Variants in ICA1 observed in about 807,000 individuals in gnomAD.
The protein encoded by ICA1 is islet cell autoantigen 1, also known as 69 kDa islet cell autoantigen.
A neutral mutation model predicts 71.0 loss-of-function variants in ICA1; 40 were observed. That is an observed-to-expected ratio of 0.56 (90% CI 0.44 to 0.73). ICA1 has a LOEUF of 0.73. ICA1 is among the 30% of genes least tolerant of loss of function. The pLI is 0.00. For synonymous variants in ICA1, 207 were observed against 209.5 expected, an observed-to-expected ratio of 0.99 and a Z score of 0.10; for missense variants, 578 against 576.5, an observed-to-expected ratio of 1.00 and a Z score of -0.03.
Position 8,123,723 on chromosome 7 carries a change from G to A in ICA1, c.1330+4150C>T, listed in dbSNP as rs948194628. 6.6e-6 allele frequency among the ~76,000 whole-genome samples: 1 copy of A among 152,162 alleles called. No homozygotes were observed. The highest frequency in any genetic ancestry group is 1.5e-5 in the Non-Finnish European group (1 of 68,028). ...GTGCGACCAGGATGCCCAGGCCAGG[G>A]TGTCATTACAAGTCCTGCCCCTCTG... On this transcript the variant is annotated intron_variant, in intron 13 of 13. Coordinates refer to ENST00000402384, the MANE Select transcript of ICA1 (RefSeq NM_001136020.3). The surrounding 1 kb of genome is among the most constrained non-coding windows in gnomAD (Gnocchi z 4.1).
Position 8,186,111 on chromosome 7 carries a change from A to G in ICA1, c.580-27459T>C, listed in dbSNP as rs535483316. Among the ~76,000 whole-genome samples the G allele has an allele frequency of 1.2e-4, 18 of 152,300 alleles. No homozygotes were observed. The South Asian group carries it at 2.7e-3, about 23-fold the overall frequency. ...AAGTAACATTTGAATGGGCCTTTGA[A>G]AAAGGGGAAGCTTGTGGATAGGCAC... On this transcript the variant is annotated intron_variant, in intron 6 of 13. Transcript: ENST00000402384.
At chr7:8,219,036 G>C (rs1176061389) in intron 5 of ICA1, 1 of 173,526 alleles carries the variant, frequency 5.8e-6, no homozygotes, top group Non-Finnish European at 1.3e-5. Flanking sequence ...CACATTTACT[G>C]AGAGGCTGTC....
At chr7:8,259,776 T>TCA (rs1440384725) in intron 1 of ICA1, among the ~76,000 whole-genome samples, 1 of 152,184 alleles carries the variant, frequency 6.6e-6, no homozygotes, top group Admixed American at 6.5e-5. Context: ...CCATACTCCC[T>TCA]CAGAGTGTTA....
chr7:8,139,472 A>C (rs1172678043), intron 10 of ICA1, among the ~76,000 whole-genome samples: 1 of 152,242 alleles, frequency 6.6e-6, no homozygotes, highest in East Asian at 1.9e-4. Flanking sequence ...GGAAAAGACA[A>C]AACTATGAGG....
chr7:8,248,758 C>A (rs1164668460), intron 1 of ICA1, among the ~76,000 whole-genome samples: 1 of 152,162 alleles, frequency 6.6e-6, no homozygotes, highest in South Asian at 2.1e-4. Flanking sequence ...ACACACTTTT[C>A]AGAACAGAAC....
intron 1 of ICA1, among the ~76,000 whole-genome samples, chr7:8,259,276 G>A (rs1010368212): frequency 3.3e-5 from 5 of 152,144 alleles, no homozygotes; most frequent in African/African-American, 9.7e-5. Flanking sequence ...TTTCTAATAA[G>A]CTCCCAGGGG....
At chr7:8,229,421 GACAGA>G (rs1315096076) in intron 3 of ICA1, among the ~76,000 whole-genome samples, 5 of 152,316 alleles carry the variant, frequency 3.3e-5, no homozygotes, top group African/African-American at 1.2e-4. Context: ...CTCAAGAAAA[GACAGA>G]ACAGACTTCA....
intron 4 of ICA1, among the ~76,000 whole-genome samples, chr7:8,225,443 T>C (rs10276789): frequency 0.072 from 10,962 of 152,270 alleles, 1,288 homozygotes; most frequent in African/African-American, 0.25. Flanking sequence ...CACTTCCTTA[T>C]GTTCTAGTGC....
chr7:8,195,369 T>C (rs560032040), intron 6 of ICA1, among the ~76,000 whole-genome samples: 36 of 151,524 alleles, frequency 2.4e-4, no homozygotes, highest in Middle Eastern at 6.8e-3. Context: ...GGTGAAACCC[T>C]GTCTCTACTA....
chr7:8,180,418 C>G (rs4725075), intron 6 of ICA1, among the ~76,000 whole-genome samples: 142,831 of 152,216 alleles, frequency 0.94, 67,110 homozygotes, highest in Middle Eastern at 0.97. Flanking sequence ...ATTAATTTAT[C>G]CTTTCTACTA....
chr7:8,215,747 A>G (rs1301772125), intron 6 of ICA1, among the ~76,000 whole-genome samples: 1 of 152,246 alleles, frequency 6.6e-6, no homozygotes, highest in Non-Finnish European at 1.5e-5. Flanking sequence ...GAGAATTTAT[A>G]GCAAAATACT....
At chr7:8,220,481 G>A (rs1796709597) in intron 5 of ICA1, among the ~76,000 whole-genome samples, 1 of 152,158 alleles carries the variant, frequency 6.6e-6, no homozygotes, top group Non-Finnish European at 1.5e-5. Flanking sequence ...AATATTTGTG[G>A]GAACTACCTA....
chr7:8,124,456 A>G (rs1167883397), intron 13 of ICA1, among the ~76,000 whole-genome samples: 1 of 147,544 alleles, frequency 6.8e-6, no homozygotes, highest in African/African-American at 2.5e-5. Flanking sequence ...AATGCAGTGA[A>G]AAAAAAAAAA....
chr7:8,115,804 CAA>C (rs1784610225), intron 13 of ICA1, among the ~76,000 whole-genome samples: 1 of 152,214 alleles, frequency 6.6e-6, no homozygotes, highest in African/African-American at 2.4e-5. Flanking sequence ...GGACCTGTCC[CAA>C]AAGAGAACAG....
intron 6 of ICA1, among the ~76,000 whole-genome samples, chr7:8,179,572 A>C (rs561584961): frequency 6.6e-6 from 1 of 152,298 alleles, no homozygotes; most frequent in East Asian, 1.9e-4. Context: ...CGGTGTTGCT[A>C]AATGTGGTGG....
At chr7:8,133,881 T>C (rs7795490) in intron 12 of ICA1, among the ~76,000 whole-genome samples, 8,042 of 135,400 alleles carry the variant, frequency 0.059, 286 homozygotes, top group South Asian at 0.16. Flanking sequence ...CCAATAGGAA[T>C]CTTAGAGATC....
rs1787865409 is a variant in ICA1 at position 8,123,566 on chromosome 7, G to A, written c.1330+4307C>T. Among the ~76,000 whole-genome samples, 1 of 152,200 alleles carries A rather than the reference G, an allele frequency of 6.6e-6. No homozygotes were observed. Among genetic ancestry groups the A allele is most frequent in the African/African-American group, 2.4e-5 (1 of 41,438 alleles). ...AGCGAATGTAGCTGCTGGCACACAG[G>A]AACAAGATTTCCTAGGACAATCTCA... is the stretch of plus-strand genomic sequence containing the variant. On this transcript the variant is annotated intron_variant, in intron 13 of 13. Transcript: ENST00000402384. This position sits in a 1 kb window ranked among gnomAD's most constrained non-coding sequence, Gnocchi z 4.1.
At chr7:8,179,491 T>G (rs981079801) in intron 6 of ICA1, among the ~76,000 whole-genome samples, 2 of 152,260 alleles carry the variant, frequency 1.3e-5, no homozygotes, top group African/African-American at 4.8e-5. Context: ...TCAGAAATTC[T>G]CAAAATTCGT....
At chr7:8,254,615 G>A (rs898140031) in intron 1 of ICA1, among the ~76,000 whole-genome samples, 4 of 151,258 alleles carry the variant, frequency 2.6e-5, no homozygotes, top group African/African-American at 9.7e-5. Flanking sequence ...CACAAGACTG[G>A]TTATTTTGAT....
Sources: allele counts gnomAD v4.1 joint callset (sites outside exome capture counted in the v4.1 genomes callset), GRCh38; gene constraint gnomAD v4.1.1; non-coding constraint Gnocchi (gnomAD v3.1); transcripts MANE v1.5; gene names NCBI Gene and HGNC (gene_info 2026-07-23, HGNC 2026-07-21).